The following BIRC6 variants were observed in gnomAD, a reference collection of about 807,000 sequenced individuals.
The protein encoded by BIRC6 is baculoviral IAP repeat containing 6.
BIRC6 carries 98 observed loss-of-function variants against 503.3 expected under a neutral mutation model. The ratio of observed to expected loss-of-function variants is 0.19; its 90% CI spans 0.17 to 0.23. The LOEUF is 0.23. Ranked by LOEUF, BIRC6 falls within the 10% of genes least tolerant of loss-of-function variation. BIRC6 has a pLI of 1.00. For missense variants in BIRC6, 5,360 were observed against 5,806.0 expected, an observed-to-expected ratio of 0.92 and a Z score of 2.50; for synonymous variants, 2,240 against 2,078.7, an observed-to-expected ratio of 1.08 and a Z score of -2.11.
chr2:32,378,399 C>CT (rs1302949012), intron 2 of BIRC6, among the ~76,000 whole-genome samples: 1 of 151,702 alleles, frequency 6.6e-6, no homozygotes, highest in African/African-American at 2.4e-5. Context: ...GTGGTTCTTT[C>CT]TTTCTTTTTT....
chr2:32,417,697 A>C (rs1325728474), intron 10 of BIRC6, among the ~76,000 whole-genome samples: 1 of 152,220 alleles, frequency 6.6e-6, no homozygotes, highest in Non-Finnish European at 1.5e-5. Flanking sequence ...AATAGATTTC[A>C]AGAGTTTAGC....
intron 40 of BIRC6, 35 bp from the exon 41 acceptor site, chr2:32,487,612 T>G: frequency 6.3e-7 from 1 of 1,585,528 alleles, no homozygotes; most frequent in Non-Finnish European, 8.7e-7. Context: ...TCCTGATACT[T>G]TATGTATAAA....
At position 32,388,925 on chromosome 2, in the gene BIRC6, C is replaced by T; in HGVS notation, c.821C>T (p.Pro274Leu). 2 of 1,597,694 alleles carry T rather than the reference C, an allele frequency of 1.3e-6. No homozygotes were observed. The highest frequency in any genetic ancestry group is 1.7e-6 in the Non-Finnish European group (2 of 1,172,902). Residue 274 changes from proline (P) to leucine (L), a missense_variant, in exon 4 of 74, where the codon CCA (proline) becomes CTA (leucine). Pro to Leu is a moderately conservative substitution (Grantham distance 98, BLOSUM62 -3). Transcript: ENST00000421745. ...PSARPELGVGPGRSVDRSLMY... is the reference protein window; with the variant it reads ...PSARPELGVGLGRSVDRSLMY... ...GCACGTCCAGAACTCGGAGTGGGGCCAGGCCGTTCTGTAGACAGGTATGAA... is the reference window on the plus strand; with the variant it reads ...GCACGTCCAGAACTCGGAGTGGGGCTAGGCCGTTCTGTAGACAGGTATGAA...
chr2:32,530,917 G>A (rs2056691910), intron 60 of BIRC6, among the ~76,000 whole-genome samples: 1 of 152,124 alleles, frequency 6.6e-6, no homozygotes. Flanking sequence ...GGAAGTCTTT[G>A]TCATTAATTT....
intron 56 of BIRC6, among the ~76,000 whole-genome samples, 183 bp from the exon 57 acceptor site, chr2:32,518,634 A>G (rs2055320665): frequency 6.6e-6 from 1 of 152,238 alleles, no homozygotes; most frequent in Admixed American, 6.5e-5. Flanking sequence ...AAAAAATGAA[A>G]AAAGGTACAG....
At chr2:32,449,392 G>C (rs1235259456) in intron 22 of BIRC6, among the ~76,000 whole-genome samples, 3 of 152,104 alleles carry the variant, frequency 2.0e-5, no homozygotes, top group African/African-American at 7.2e-5. Flanking sequence ...GGTAAGCTTT[G>C]TATACATTAC....
At position 32,436,094 on chromosome 2, in the gene BIRC6, A is replaced by G. The variant is rs1429200261; in HGVS notation, c.3541A>G (p.Ile1181Val). 8 of 1,474,292 alleles carry G rather than the reference A, an allele frequency of 5.4e-6. No individual in the cohort carries two copies. The highest frequency in any genetic ancestry group is 7.3e-6 in the Non-Finnish European group (8 of 1,096,848). 91.3% of individuals were successfully genotyped at this position (1,474,292 alleles called of 1,614,324 possible). ...CPFLEDHKED[I>V]LCGPVWLASG... ...ATTTTTGGAGGATCATAAAGAAGACATTCTATGTGGGCCAGTATGGCTTGC... is the reference window on the plus strand; with the variant it reads ...ATTTTTGGAGGATCATAAAGAAGACGTTCTATGTGGGCCAGTATGGCTTGC... The change falls in exon 15 of 74, where the codon ATT (isoleucine) becomes GTT (valine). Residue 1181 changes from isoleucine to valine, a missense_variant. Coordinates refer to ENST00000421745, the MANE Select transcript of BIRC6 (RefSeq NM_016252.4).
chr2:32,535,150 C>CAAAAAAAAAAA (rs1158856665), intron 61 of BIRC6, among the ~76,000 whole-genome samples: 15 of 7,270 alleles, frequency 2.1e-3, no homozygotes, highest in Admixed American at 2.3e-3. Flanking sequence ...CCCAAAAAAG[C>CAAAAAAAAAAA]AAAAAAAAAA....
intron 71 of BIRC6, among the ~76,000 whole-genome samples, chr2:32,605,932 T>A (rs2062419003): frequency 6.6e-6 from 1 of 152,230 alleles, no homozygotes; most frequent in African/African-American, 2.4e-5. Context: ...GTTTTTCCCA[T>A]AGTTGAGCTT....
rs535922047 is a variant in BIRC6 at position 32,466,088 on chromosome 2, C to CT, written c.5356+933dup. On this transcript the variant is annotated intron_variant, in intron 26 of 73. Coordinates refer to ENST00000421745, the MANE Select transcript of BIRC6 (RefSeq NM_016252.4). ...CCTGAGGAGGATAACTATGTTCTTTCTTTTTTTTTAATAATTTTTCTTGTT... is the reference window on the plus strand; with the variant it reads ...CCTGAGGAGGATAACTATGTTCTTTCTTTTTTTTTTAATAATTTTTCTTGTT... 6.0e-4 allele frequency among the ~76,000 whole-genome samples: 90 copies of CT among 150,748 alleles called. 1 individual carries two copies. Among genetic ancestry groups the CT allele is most frequent in the Non-Finnish European group, 7.0e-4 (47 of 67,536 alleles).
chr2:32,511,551 C>CA (rs2054455934), intron 53 of BIRC6, among the ~76,000 whole-genome samples: 1 of 132,070 alleles, frequency 7.6e-6, no homozygotes, highest in Admixed American at 9.2e-5. Context: ...AGGATGGTCT[C>CA]AATCTCCTGA....
At chr2:32,447,692 C>T (rs1194419477) in intron 21 of BIRC6, among the ~76,000 whole-genome samples, 4 of 105,374 alleles carry the variant, frequency 3.8e-5, no homozygotes, top group African/African-American at 7.9e-5. Flanking sequence ...GGCGGCTGGC[C>T]GGGCGGGGGG....
At chr2:32,445,499 A>T in intron 20 of BIRC6, 22 bp from the exon 21 acceptor site, 1 of 1,517,452 alleles carries the variant, frequency 6.6e-7, no homozygotes, top group Non-Finnish European at 8.9e-7. Context: ...AGAAACATTT[A>T]TTTTGTTTTT....
At chr2:32,460,774 G>T (rs117605070) in intron 23 of BIRC6, among the ~76,000 whole-genome samples, 1 of 151,586 alleles carries the variant, frequency 6.6e-6, no homozygotes, top group Non-Finnish European at 1.5e-5. Flanking sequence ...TTATTTGGGC[G>T]TTAGATTTTA....
intron 2 of BIRC6, among the ~76,000 whole-genome samples, chr2:32,378,659 G>T (rs1359705163): frequency 6.6e-6 from 1 of 152,058 alleles, no homozygotes; most frequent in Admixed American, 6.6e-5. Context: ...GTTTCACCAT[G>T]TTGGCCAGAC....
At chr2:32,547,724 A>G (rs1333997421) in intron 63 of BIRC6, 126 bp from the exon 64 acceptor site, 2 of 826,034 alleles carry the variant, frequency 2.4e-6, no homozygotes, top group Admixed American at 3.4e-5. Flanking sequence ...TCTGTGTTCA[A>G]TTTTTTTGAG....
chr2:32,488,428 C>T (rs1183448532), intron 41 of BIRC6, among the ~76,000 whole-genome samples, 160 bp from the exon 42 acceptor site: 1 of 152,080 alleles, frequency 6.6e-6, no homozygotes, highest in Non-Finnish European at 1.5e-5. Flanking sequence ...TGCTGATCAA[C>T]TAATTTAATT....
At chr2:32,455,691 AAAAGGCACATAATTTTTAAAAGAT>A (rs902337264) in intron 23 of BIRC6, among the ~76,000 whole-genome samples, 4 of 152,232 alleles carry the variant, frequency 2.6e-5, no homozygotes, top group African/African-American at 9.6e-5. Context: ...ATGTGTTTGC[AAAAGGCACATAATTTTTAAAAGAT>A]AAAAGGTTAG....
At chr2:32,437,067 A>G (rs2044803521) in intron 15 of BIRC6, among the ~76,000 whole-genome samples, 1 of 151,130 alleles carries the variant, frequency 6.6e-6, no homozygotes, top group East Asian at 2.0e-4. Flanking sequence ...TTTTTATTGT[A>G]TTAGTGGAGG....
Sources: gnomAD v4.1 joint callset for allele counts (sites outside exome capture counted in the v4.1 genomes callset) on GRCh38, gnomAD v4.1.1 for gene constraint, MANE v1.5 for transcripts, NCBI Gene and HGNC (gene_info 2026-07-23, HGNC 2026-07-21) for gene names.